IRF2: variants seen among roughly 807,000 people sequenced by gnomAD.
IRF2 encodes the protein interferon regulatory factor 2.
In IRF2, 15 loss-of-function variants were observed where a neutral mutation model predicts 40.6. That is an observed-to-expected ratio of 0.37 (90% CI 0.25 to 0.57). The LOEUF (loss-of-function observed/expected upper bound fraction) is 0.57, where lower values mean the gene tolerates loss of function less well. IRF2 is among the 20% of genes least tolerant of loss of function. The probability of loss-of-function intolerance (pLI) is 0.77; values close to 1 mark genes in which losing one functional copy is unlikely to be tolerated. For synonymous variants in IRF2, 151 were observed against 165.5 expected (o/e 0.91, Z 0.67); for missense variants, 317 against 455.7 (o/e 0.70, Z 2.77).
At chr4:184,417,832 T>C in intron 5 of IRF2, among the ~76,000 whole-genome samples, 1 of 145,276 alleles carries the variant, frequency 6.9e-6, no homozygotes, top group South Asian at 2.2e-4. Flanking sequence ...ATATACTTAA[T>C]AGTATGAGAA....
intron 1 of IRF2, among the ~76,000 whole-genome samples, chr4:184,468,423 G>T (rs983979371): frequency 6.6e-6 from 1 of 151,578 alleles, no homozygotes; most frequent in Non-Finnish European, 1.5e-5. Context: ...GGAGGCGGAG[G>T]TTGCAGTGAG....
chr4:184,420,585 C>A (rs1452536930), intron 2 of IRF2, among the ~76,000 whole-genome samples: 1 of 152,152 alleles, frequency 6.6e-6, no homozygotes, highest in Non-Finnish European at 1.5e-5. Flanking sequence ...AAAACCGCCT[C>A]AAGCAACCCT....
intron 1 of IRF2, among the ~76,000 whole-genome samples, chr4:184,430,504 T>C (rs577999326): frequency 3.9e-5 from 6 of 152,278 alleles, no homozygotes; most frequent in African/African-American, 1.4e-4. Flanking sequence ...CCGCCTAAAG[T>C]AGTCCCTCTG....
chr4:184,472,112 C>T (rs1022454725), intron 1 of IRF2: 1 of 152,262 alleles, frequency 6.6e-6, no homozygotes, highest in African/African-American at 2.4e-5. Context: ...TCCAACGTTC[C>T]CCCTAGAGAT....
In IRF2 at chr4:184,395,882, A is replaced by T. The variant is rs79086669; in HGVS notation, c.694+3033T>A. Reference sequence around the variant, plus strand: ...TAATGAAATGTTCATTTCTCTCTGCATGGATCTGCTGTTCTCCGGAATCTT... The same window carrying T: ...TAATGAAATGTTCATTTCTCTCTGCTTGGATCTGCTGTTCTCCGGAATCTT... On this transcript the variant is annotated intron_variant, in intron 7 of 8. Transcript: ENST00000393593. 5.4e-3 allele frequency among the ~76,000 whole-genome samples: 823 copies of T among 152,368 alleles called. 6 individuals carry two copies. The highest frequency in any genetic ancestry group is 8.1e-3 in the South Asian group (39 of 4,832).
At chr4:184,465,337 C>T (rs186774567) in intron 1 of IRF2, among the ~76,000 whole-genome samples, 26 of 152,250 alleles carry the variant, frequency 1.7e-4, no homozygotes, top group Admixed American at 1.0e-3. Context: ...CTCGGCAGCA[C>T]CCAGTGTGTT....
chr4:184,390,563 C>A, intron 8 of IRF2, 140 bp downstream of exon 8: 3 of 751,522 alleles, frequency 4.0e-6, no homozygotes, highest in Non-Finnish European at 6.8e-6. Flanking sequence ...TCTGGTGATG[C>A]ATATTTCACC....
chr4:184,445,734 C>A (rs793789), intron 1 of IRF2, among the ~76,000 whole-genome samples: 57,012 of 151,666 alleles, frequency 0.38, 11,180 homozygotes, highest in East Asian at 0.62. Context: ...TTTCCTTCTT[C>A]CCTTCCTTCC....
chr4:184,391,925 G>A (rs1447819305), intron 7 of IRF2, among the ~76,000 whole-genome samples: 1 of 152,110 alleles, frequency 6.6e-6, no homozygotes, highest in Non-Finnish European at 1.5e-5. Context: ...GAGTGAGAGG[G>A]TACATGGGAA....
At position 184,413,002 on chromosome 4, in the gene IRF2, C is replaced by T. The variant is rs1205751814; in HGVS notation, c.412-4727G>A. ...CACTTCAAAGGCAGCATGTCCAAAG[C>T]GAAACACCCTCTCCACAAAACGACC... On this transcript the variant is annotated intron_variant, in intron 5 of 8. Transcript: ENST00000393593. This position sits in a 1 kb window ranked among gnomAD's most constrained non-coding sequence, Gnocchi z 4.2. Among the ~76,000 whole-genome samples, 2 of 152,158 alleles carry T rather than the reference C, an allele frequency of 1.3e-5. No individual in the cohort carries two copies. Among genetic ancestry groups the T allele is most frequent in the East Asian group, 1.9e-4 (1 of 5,188 alleles).
At chr4:184,426,854 A>G (rs2149903264) in intron 2 of IRF2, among the ~76,000 whole-genome samples, 1 of 152,350 alleles carries the variant, frequency 6.6e-6, no homozygotes, top group Non-Finnish European at 1.5e-5. Flanking sequence ...CTCCACATCA[A>G]ACAGTAATGC....
intron 3 of IRF2, among the ~76,000 whole-genome samples, chr4:184,419,176 C>CA (rs1307241683): frequency 6.6e-6 from 1 of 151,948 alleles, no homozygotes; most frequent in African/African-American, 2.4e-5. Flanking sequence ...TAAATTTGAC[C>CA]AAAGTTTATA....
At chr4:184,421,338 T>C (rs553247238) in intron 2 of IRF2, among the ~76,000 whole-genome samples, 22 of 152,368 alleles carry the variant, frequency 1.4e-4, no homozygotes, top group African/African-American at 5.3e-4. Flanking sequence ...GACTTTTTCA[T>C]AAATTCCTCG....
At position 184,474,295 on chromosome 4, in the gene IRF2, T is replaced by TAC. The variant is rs1249950280; in HGVS notation, c.-7+82_-7+83dup. The TAC allele has an allele frequency of 6.6e-6, 1 of 152,464 alleles. No homozygotes were observed. The highest frequency in any genetic ancestry group is 1.9e-4 in the East Asian group (1 of 5,196). 9.4% of individuals were successfully genotyped at this position (152,464 alleles called of 1,614,324 possible). On this transcript the variant is annotated intron_variant, in intron 1 of 8. Transcript: ENST00000393593. The surrounding 1 kb of genome is among the most constrained non-coding windows in gnomAD (Gnocchi z 5.6). ...TCGTGTCAAGGCATCAGGACACGCA[T>TAC]ACACACACGGCCCCCCACAGTCCCC...
chr4:184,408,539 AC>A lies in IRF2; in HGVS notation c.412-265del, dbSNP rs2149896601. Among the ~76,000 whole-genome samples the A allele has an allele frequency of 6.6e-6, 1 of 152,228 alleles. No individual in the cohort carries two copies. Among genetic ancestry groups the A allele is most frequent in the Non-Finnish European group, 1.5e-5 (1 of 68,010 alleles). On this transcript the variant is annotated intron_variant, in intron 5 of 8. Transcript: ENST00000393593. This position sits in a 1 kb window ranked among gnomAD's most constrained non-coding sequence, Gnocchi z 4.9. ...TGGCTTGCCTTTAGGAAATGCTTCC[AC>A]CTGCAGACAATAGCTTTGGGGCTAC...
chr4:184,397,232 G>A (rs1736499813), intron 7 of IRF2, among the ~76,000 whole-genome samples: 1 of 152,182 alleles, frequency 6.6e-6, no homozygotes, highest in African/African-American at 2.4e-5. Flanking sequence ...AGTGAAATAA[G>A]CCAGTCACAA....
rs57659057 is a variant in IRF2, at chr4:184,446,769, C to G, written c.-6-17699G>C. On this transcript the variant is annotated intron_variant, in intron 1 of 8. Transcript: ENST00000393593. ...GAGATCGAGACCACCCCGGCTAACA[C>G]GGTGAAACCCCGTCTCTACTAAAAA... 0.014 allele frequency among the ~76,000 whole-genome samples: 2,158 copies of G among 151,886 alleles called. 169 individuals are homozygous for G. In the East Asian group the frequency reaches 0.23, roughly 16 times the overall value.
intron 1 of IRF2, among the ~76,000 whole-genome samples, chr4:184,441,883 G>A (rs793794): frequency 0.2 from 30,323 of 152,154 alleles, 3,704 homozygotes; most frequent in Middle Eastern, 0.34. Context: ...CAGAGCTACT[G>A]AGTGGTAGAA....
intron 7 of IRF2, among the ~76,000 whole-genome samples, chr4:184,393,891 CT>C (rs1488384617): frequency 2.0e-5 from 3 of 152,208 alleles, no homozygotes; most frequent in Non-Finnish European, 4.4e-5. Flanking sequence ...CCCGTGTCCT[CT>C]GTTTCCTTGG....
Sources: allele counts gnomAD v4.1 joint callset (sites outside exome capture counted in the v4.1 genomes callset), GRCh38; gene constraint gnomAD v4.1.1; non-coding constraint Gnocchi (gnomAD v3.1); transcripts MANE v1.5; gene names NCBI Gene and HGNC (gene_info 2026-07-23, HGNC 2026-07-21).